The following FNDC3A variants were observed in gnomAD, a reference collection of about 807,000 sequenced individuals.
FNDC3A encodes the protein fibronectin type III domain containing 3A.
FNDC3A carries 32 observed loss-of-function variants against 148.9 expected under a neutral mutation model. The ratio of observed to expected loss-of-function variants is 0.21; its 90% CI spans 0.16 to 0.29. The LOEUF is 0.29. Among genes scored for constraint, FNDC3A ranks in the 10% least tolerant of loss-of-function variants. The probability of loss-of-function intolerance (pLI) is 1.00; values close to 1 mark genes in which losing one functional copy is unlikely to be tolerated. For synonymous variants in FNDC3A, 472 were observed against 473.6 expected (o/e 1.00, Z 0.04); for missense variants, 1,191 against 1,452.8 (o/e 0.82, Z 2.93).
chr13:49,041,203 T>C (rs531078496), intron 2 of FNDC3A, among the ~76,000 whole-genome samples: 8 of 152,326 alleles, frequency 5.3e-5, no homozygotes, highest in African/African-American at 1.9e-4. Flanking sequence ...CGAAAGTACA[T>C]ACTACACATA....
At chr13:49,025,712 A>G (rs1176369651) in intron 2 of FNDC3A, among the ~76,000 whole-genome samples, 4 of 152,130 alleles carry the variant, frequency 2.6e-5, no homozygotes, top group Non-Finnish European at 5.9e-5. Flanking sequence ...GGGGGAAGAA[A>G]GGAGATTGGA....
rs747741489 is a variant in FNDC3A, at chr13:49,188,524, G to T, written c.1835G>T (p.Trp612Leu). The T allele has an allele frequency of 1.2e-6, 2 of 1,608,934 alleles. No individual in the cohort carries two copies. Among genetic ancestry groups the T allele is most frequent in the Non-Finnish European group, 1.7e-6 (2 of 1,175,324 alleles). ...ATTCCTCACCTTACAGGAAACAAAT[G>T]GGAAATGATATACAGTGGTGCTACC... ...EMAEGSNGNK[W>L]EMIYSGATRE... The change falls in exon 17 of 26, where the codon TGG becomes TTG. Residue 612 changes from tryptophan (W) to leucine (L), a missense_variant. Physicochemically the swap from Trp to Leu is moderately conservative, Grantham distance 61. Around this residue, in one of 3 missense-constraint regions of FNDC3A, gnomAD observed 751 missense variants for 944.0 expected, o/e 0.80. Coordinates refer to ENST00000492622, the MANE Select transcript of FNDC3A (RefSeq NM_001079673.2).
intron 3 of FNDC3A, among the ~76,000 whole-genome samples, chr13:49,083,951 GTTAC>G (rs889558226): frequency 4.1e-4 from 63 of 152,148 alleles, no homozygotes; most frequent in African/African-American, 1.4e-3. Flanking sequence ...GTTCTCTTTA[GTTAC>G]TTCTGGGAAT....
In FNDC3A at chr13:49,077,801, T is replaced by A. The variant is rs61158798; in HGVS notation, c.175+2437T>A. 3.8e-3 allele frequency among the ~76,000 whole-genome samples: 586 copies of A among 152,332 alleles called. 4 individuals carry two copies. The highest frequency in any genetic ancestry group is 0.013 in the African/African-American group (544 of 41,576). ...CCCACAACTTAAAGTAAAAATTTTT[T>A]AAAAATTTCTCTAAGTTAATTTAAA... On this transcript the variant is annotated intron_variant, in intron 3 of 25. Coordinates refer to ENST00000492622, the MANE Select transcript of FNDC3A (RefSeq NM_001079673.2).
At position 48,993,723 on chromosome 13, in the gene FNDC3A, TC is replaced by T. The variant is rs1161568570; in HGVS notation, c.-39-12427del. 2.0e-5 allele frequency among the ~76,000 whole-genome samples: 3 copies of T among 152,332 alleles called. No homozygotes were observed. The South Asian group carries it at 6.2e-4, about 32-fold the overall frequency. ...CGCTAGAGGAATACATGCAATTAAATCCTGTCAATTTTAGAACCTAGGTGGC... is the reference window on the plus strand; with the variant it reads ...CGCTAGAGGAATACATGCAATTAAATCTGTCAATTTTAGAACCTAGGTGGC... On this transcript the variant is annotated intron_variant, in intron 1 of 25. Transcript: ENST00000492622.
At chr13:49,079,239 G>C (rs902557564) in intron 3 of FNDC3A, among the ~76,000 whole-genome samples, 4 of 152,128 alleles carry the variant, frequency 2.6e-5, no homozygotes, top group Non-Finnish European at 5.9e-5. Flanking sequence ...AATTTTCTAA[G>C]TATCTACTGA....
At chr13:48,978,332 T>C (rs1007429716) in intron 1 of FNDC3A, among the ~76,000 whole-genome samples, 1 of 152,230 alleles carries the variant, frequency 6.6e-6, no homozygotes, top group Non-Finnish European at 1.5e-5. Context: ...ATGATTCATA[T>C]TCTCATTGTC....
At chr13:49,100,865 C>T (rs559394336) in intron 3 of FNDC3A, among the ~76,000 whole-genome samples, 18 of 152,274 alleles carry the variant, frequency 1.2e-4, no homozygotes, top group Admixed American at 4.6e-4. Context: ...ACCCTCACCC[C>T]TCAAATCAAT....
chr13:49,100,763 C>T (rs1186630033), intron 3 of FNDC3A, among the ~76,000 whole-genome samples: 2 of 152,046 alleles, frequency 1.3e-5, no homozygotes, highest in African/African-American at 2.4e-5. Flanking sequence ...TCACATAAAT[C>T]CAAATGTTTG....
chr13:49,187,719 A>C, intron 16 of FNDC3A: 1 of 1,329,492 alleles, frequency 7.5e-7, no homozygotes, highest in Non-Finnish European at 1.1e-6. Context: ...GGACGGATGA[A>C]ATGGCGGCAC....
At chr13:49,168,489 G>T in intron 9 of FNDC3A, 124 bp from the exon 10 acceptor site, 1 of 575,044 alleles carries the variant, frequency 1.7e-6, no homozygotes, top group Non-Finnish European at 2.9e-6. Flanking sequence ...ACTTCTAATA[G>T]TCATATTTTC....
At chr13:49,079,754 A>G (rs1467349678) in intron 3 of FNDC3A, among the ~76,000 whole-genome samples, 2 of 146,510 alleles carry the variant, frequency 1.4e-5, no homozygotes, top group African/African-American at 2.8e-5. Flanking sequence ...TATAAAAAGG[A>G]AAAAAAAGGT....
At position 49,089,026 on chromosome 13, in the gene FNDC3A, A is replaced by T. The variant is rs544394316; in HGVS notation, c.175+13662A>T. Among the ~76,000 whole-genome samples, 4 of 152,330 alleles carry T rather than the reference A, an allele frequency of 2.6e-5. No homozygotes were observed. The South Asian group carries it at 8.3e-4, about 32-fold the overall frequency. ...GAAAATAGAATAGTGGTTGCTAGGGACTAGAGGGAGGGAAGAGTGGAGAGT... is the reference window on the plus strand; with the variant it reads ...GAAAATAGAATAGTGGTTGCTAGGGTCTAGAGGGAGGGAAGAGTGGAGAGT... On this transcript the variant is annotated intron_variant, in intron 3 of 25. Transcript: ENST00000492622.
chr13:49,161,869 T>C (rs929814106), intron 8 of FNDC3A, among the ~76,000 whole-genome samples: 8 of 152,216 alleles, frequency 5.3e-5, no homozygotes, highest in Non-Finnish European at 1.0e-4. Flanking sequence ...CCTTCACTTA[T>C]GAAGCTTAGT....
In FNDC3A at chr13:49,198,122, C is replaced by T; in HGVS notation, c.2631C>T (p.Cys877=). Reference sequence around the variant, plus strand: ...ATCCCCATTATTCACCTTCTACATGCCTTGCAATAAGCTGGGAAAAGCCTT... The same window carrying T: ...ATCCCCATTATTCACCTTCTACATGTCTTGCAATAAGCTGGGAAAAGCCTT... ...IENPHYSPST[C]LAISWEKPCD... The change falls in exon 22 of 26, where the codon TGC becomes TGT. Residue 877 remains cysteine, a synonymous_variant. Coordinates refer to ENST00000492622, the MANE Select transcript of FNDC3A (RefSeq NM_001079673.2). The T allele has an allele frequency of 3.1e-6, 5 of 1,614,174 alleles. No homozygotes were observed. The highest frequency in any genetic ancestry group is 3.4e-6 in the Non-Finnish European group (4 of 1,180,034).
intron 4 of FNDC3A, 37 bp downstream of exon 4, chr13:49,114,768 TA>T: frequency 1.6e-6 from 2 of 1,279,696 alleles, no homozygotes; most frequent in African/African-American, 2.9e-5. Flanking sequence ...CATATTTGTA[TA>T]ATAGTGATAA....
chr13:49,134,333 T>G (rs1404953454), intron 5 of FNDC3A, among the ~76,000 whole-genome samples: 1 of 152,194 alleles, frequency 6.6e-6, no homozygotes, highest in Non-Finnish European at 1.5e-5. Context: ...TTTTTTCACT[T>G]AATGTCATGT....
At chr13:49,012,805 A>ATATGTGTGTGTGTG (rs1555277951) in intron 2 of FNDC3A, among the ~76,000 whole-genome samples, 2 of 134,616 alleles carry the variant, frequency 1.5e-5, no homozygotes, top group South Asian at 2.7e-4. Flanking sequence ...GCAATTATAA[A>ATATGTGTGTGTGTG]TGTGTGTGTG....
At chr13:49,080,308 C>G (rs535334183) in intron 3 of FNDC3A, among the ~76,000 whole-genome samples, 1 of 152,138 alleles carries the variant, frequency 6.6e-6, no homozygotes, top group South Asian at 2.1e-4. Flanking sequence ...AAAGTGTAGT[C>G]TTCTGTTTTG....
Sources: gnomAD v4.1 joint callset for allele counts (sites outside exome capture counted in the v4.1 genomes callset) on GRCh38, gnomAD v4.1.1 for gene constraint, gnomAD v4.1.1 regional missense constraint, MANE v1.5 for transcripts, NCBI Gene and HGNC (gene_info 2026-07-23, HGNC 2026-07-21) for gene names.